The following DPYD variants were observed in gnomAD, a reference collection of about 807,000 sequenced individuals.
DPYD encodes dihydropyrimidine dehydrogenase [NADP(+)].
A neutral mutation model predicts 116.2 loss-of-function variants in DPYD; 109 were observed. That is an observed-to-expected ratio of 0.94 (90% CI 0.80 to 1.10). DPYD has a LOEUF of 1.10. Among genes scored for constraint, DPYD ranks in the 50% least tolerant of loss-of-function variants. The probability of loss-of-function intolerance (pLI) is 0.00; values close to 1 mark genes in which losing one functional copy is unlikely to be tolerated. For synonymous variants in DPYD, 440 were observed against 432.0 expected (o/e 1.02, Z -0.23); for missense variants, 1,302 against 1,254.5 (o/e 1.04, Z -0.57).
At chr1:97,598,826 A>T (rs986327888) in intron 8 of DPYD, among the ~76,000 whole-genome samples, 2 of 152,090 alleles carry the variant, frequency 1.3e-5, no homozygotes, top group Non-Finnish European at 2.9e-5. Context: ...ATTGAGGCAT[A>T]TAGGGATTAA....
intron 18 of DPYD, among the ~76,000 whole-genome samples, chr1:97,240,571 C>A (rs762520142): frequency 6.6e-6 from 1 of 151,986 alleles, no homozygotes; most frequent in Non-Finnish European, 1.5e-5. Context: ...TTATAATACT[C>A]ATTCGTGCTC....
At chr1:97,561,783 T>A (rs1474477087) in intron 11 of DPYD, among the ~76,000 whole-genome samples, 2 of 152,208 alleles carry the variant, frequency 1.3e-5, no homozygotes, top group African/African-American at 4.8e-5. Flanking sequence ...CATGTATTCA[T>A]CCAGCCTGTT....
At chr1:97,901,841 A>T (rs1430800604) in intron 1 of DPYD, among the ~76,000 whole-genome samples, 1 of 151,864 alleles carries the variant, frequency 6.6e-6, no homozygotes, top group Admixed American at 6.6e-5. Flanking sequence ...ATTGTAAAAA[A>T]ATCACAGATG....
At chr1:97,229,028 T>C (rs1661389752) in intron 19 of DPYD, among the ~76,000 whole-genome samples, 1 of 151,482 alleles carries the variant, frequency 6.6e-6, no homozygotes, top group African/African-American at 2.4e-5. Context: ...AAACCCTGTC[T>C]CTACTAAAAA....
intron 3 of DPYD, 151 bp downstream of exon 3, chr1:97,827,963 T>G (rs1335690644): frequency 1.4e-6 from 1 of 735,034 alleles, no homozygotes; most frequent in Non-Finnish European, 2.3e-6. Context: ...AAAACCAAAG[T>G]ACAGCCTCAA....
At chr1:97,324,079 AGTG>A (rs926284622) in intron 16 of DPYD, among the ~76,000 whole-genome samples, 12 of 152,134 alleles carry the variant, frequency 7.9e-5, no homozygotes, top group Admixed American at 7.9e-4. Context: ...TGATGGCAGT[AGTG>A]GTGGATATCA....
chr1:97,811,187 G>T (rs761472103), intron 3 of DPYD, among the ~76,000 whole-genome samples: 23 of 151,916 alleles, frequency 1.5e-4, no homozygotes, highest in Non-Finnish European at 2.8e-4. Context: ...TACACTCTTA[G>T]CAACACTTCT....
At chr1:97,130,382 A>G (rs878902823) in intron 20 of DPYD, among the ~76,000 whole-genome samples, 2 of 152,176 alleles carry the variant, frequency 1.3e-5, no homozygotes, top group Admixed American at 6.6e-5. Flanking sequence ...GAATCCTACC[A>G]GAAGGAGATG....
Position 97,373,623 on chromosome 1 carries a change from C to G in DPYD, c.1996G>C (p.Glu666Gln), listed in dbSNP as rs1671425437. The G allele has an allele frequency of 1.2e-6, 2 of 1,613,830 alleles. No individual in the cohort carries two copies. Among genetic ancestry groups the G allele is most frequent in the South Asian group, 1.1e-5 (1 of 91,068 alleles). ...CCATGTGGACATGATAAATTTAACT[C>G]CAGGGCATCTGCTCCAGAATCCTTT... is the stretch of plus-strand genomic sequence containing the variant. ...KSEDSGADAL[E>Q]LNLSCPHGMG... Residue 666 changes from glutamate to glutamine, a missense_variant, in exon 16 of 23, where the codon GAG becomes CAG. Physicochemically the swap from Glu to Gln is conservative, Grantham distance 29. Coordinates refer to ENST00000370192, the MANE Select transcript of DPYD (RefSeq NM_000110.4).
At chr1:97,866,124 C>T (rs940759860) in intron 2 of DPYD, among the ~76,000 whole-genome samples, 11 of 151,926 alleles carry the variant, frequency 7.2e-5, no homozygotes, top group African/African-American at 2.4e-4. Context: ...TGGGATAAAT[C>T]CTCAAAAACT....
intron 1 of DPYD, among the ~76,000 whole-genome samples, chr1:97,910,585 G>GT (rs1384454910): frequency 2.6e-5 from 4 of 152,076 alleles, no homozygotes; most frequent in African/African-American, 9.7e-5. Flanking sequence ...AAATGTTTAA[G>GT]TTATTTGCCA....
intron 20 of DPYD, among the ~76,000 whole-genome samples, chr1:97,178,342 T>C (rs1657431259): frequency 6.6e-6 from 1 of 152,060 alleles, no homozygotes; most frequent in African/African-American, 2.4e-5. Context: ...AGAGACTGGG[T>C]AATTTACAAA....
intron 4 of DPYD, among the ~76,000 whole-genome samples, chr1:97,724,149 A>G (rs1343971404): frequency 6.6e-6 from 1 of 151,590 alleles, no homozygotes; most frequent in Non-Finnish European, 1.5e-5. Flanking sequence ...CACCTTAATA[A>G]AAGGCCTCTA....
At chr1:97,133,268 A>ATAT (rs1653472844) in intron 20 of DPYD, among the ~76,000 whole-genome samples, 1 of 152,088 alleles carries the variant, frequency 6.6e-6, no homozygotes, top group Non-Finnish European at 1.5e-5. Flanking sequence ...ACAATTTATT[A>ATAT]AAGCAGATAA....
intron 3 of DPYD, among the ~76,000 whole-genome samples, chr1:97,795,125 G>C (rs1667500249): frequency 6.6e-6 from 1 of 152,046 alleles, no homozygotes; most frequent in Non-Finnish European, 1.5e-5. Context: ...ACAGAGTCCA[G>C]TTAAAGTCAT....
At chr1:97,276,749 C>T (rs1033914412) in intron 18 of DPYD, among the ~76,000 whole-genome samples, 2 of 151,402 alleles carry the variant, frequency 1.3e-5, no homozygotes, top group Non-Finnish European at 2.9e-5. Context: ...TGCTTATACA[C>T]TGTTGGTGAG....
chr1:97,518,642 C>T (rs957147878), intron 12 of DPYD, among the ~76,000 whole-genome samples: 3 of 152,086 alleles, frequency 2.0e-5, no homozygotes, highest in Admixed American at 6.6e-5. Flanking sequence ...ATCATATTCC[C>T]TCCTAACAAA....
At chr1:97,776,981 AAAG>A (rs1226139992) in intron 3 of DPYD, among the ~76,000 whole-genome samples, 1 of 152,236 alleles carries the variant, frequency 6.6e-6, no homozygotes, top group Non-Finnish European at 1.5e-5. Context: ...AGTTTTAATT[AAAG>A]TAGTATTCAA....
intron 9 of DPYD, among the ~76,000 whole-genome samples, chr1:97,594,608 T>C (rs1032074621): frequency 1.3e-5 from 2 of 152,188 alleles, no homozygotes; most frequent in African/African-American, 4.8e-5. Flanking sequence ...TTCAGGTGGT[T>C]CTTCTTGGGG....
Sources: allele counts gnomAD v4.1 joint callset (sites outside exome capture counted in the v4.1 genomes callset), GRCh38; gene constraint gnomAD v4.1.1; transcripts MANE v1.5; gene names NCBI Gene and HGNC (gene_info 2026-07-23, HGNC 2026-07-21).